PPM1G: variants seen among roughly 807,000 people sequenced by gnomAD.
PPM1G encodes the protein protein phosphatase, Mg2+/Mn2+ dependent 1G.
PPM1G carries 12 observed loss-of-function variants against 59.4 expected under a neutral mutation model. The observed-to-expected ratio is 0.20, with a 90% CI of 0.13 to 0.33. The LOEUF is 0.33. Among genes scored for constraint, PPM1G ranks in the 10% least tolerant of loss-of-function variants. The pLI is 1.00. For missense variants in PPM1G, 392 were observed against 681.3 expected (o/e 0.58, Z 4.73); for synonymous variants, 245 against 251.9 (o/e 0.97, Z 0.26).
At chr2:27,393,611 A>T (rs187694302) in intron 1 of PPM1G, among the ~76,000 whole-genome samples, 1,720 of 152,198 alleles carry the variant, frequency 0.011, 38 homozygotes, top group African/African-American at 0.039. Flanking sequence ...TCTGAGAAAG[A>T]GTCTCACTCT....
At chr2:27,387,928 A>C (rs908539925) in intron 1 of PPM1G, among the ~76,000 whole-genome samples, 5 of 151,800 alleles carry the variant, frequency 3.3e-5, no homozygotes, top group African/African-American at 1.2e-4. Flanking sequence ...CCTCCCAAGT[A>C]GCTGGGACTA....
At chr2:27,393,620 C>T (rs1447218570) in intron 1 of PPM1G, among the ~76,000 whole-genome samples, 1 of 152,192 alleles carries the variant, frequency 6.6e-6, no homozygotes, top group East Asian at 1.9e-4. Context: ...GAGTCTCACT[C>T]TGTCGCCAGG....
intron 1 of PPM1G, among the ~76,000 whole-genome samples, chr2:27,396,632 T>A (rs895425982): frequency 1.3e-5 from 2 of 151,802 alleles, no homozygotes; most frequent in Non-Finnish European, 2.9e-5. Context: ...CTGGTCAACA[T>A]GGAGAAACCC....
In PPM1G at chr2:27,385,794, G is replaced by A. The variant is rs1683748241; in HGVS notation, c.362C>T (p.Pro121Leu). Reference protein sequence around the residue: ...IKELAQIAGRPTEDEDEKEKV... With the variant: ...IKELAQIAGRLTEDEDEKEKV... ...TTCTTTTTCATCTTCATCCTCAGTG[G>A]GTCGCCCTGCAATCTGTGCCAGCTC... is the stretch of plus-strand genomic sequence containing the variant. The change falls in exon 4 of 10, where the codon CCC becomes CTC. Residue 121 changes from proline to leucine, a missense_variant. By Grantham distance (98) the Pro-to-Leu change is moderately conservative. Coordinates refer to ENST00000344034, the MANE Select transcript of PPM1G (RefSeq NM_177983.3). The surrounding 1 kb of genome is among the most constrained non-coding windows in gnomAD (Gnocchi z 4.1). 4 of 1,613,926 alleles carry A rather than the reference G, an allele frequency of 2.5e-6. No individual in the cohort carries two copies. Among genetic ancestry groups the A allele is most frequent in the Middle Eastern group, 1.6e-4 (1 of 6,062 alleles).
At chr2:27,392,205 C>T (rs980635345) in intron 1 of PPM1G, among the ~76,000 whole-genome samples, 2 of 151,902 alleles carry the variant, frequency 1.3e-5, no homozygotes, top group African/African-American at 4.8e-5. Flanking sequence ...TGGCTGTCTT[C>T]CACCATCCAT....
At chr2:27,406,215 C>T (rs779277545) in intron 1 of PPM1G, among the ~76,000 whole-genome samples, 2 of 152,064 alleles carry the variant, frequency 1.3e-5, no homozygotes, top group Non-Finnish European at 2.9e-5. Flanking sequence ...TAGGACCAAG[C>T]AAATAGGGTA....
chr2:27,405,932 G>A (rs1663352145), intron 1 of PPM1G, among the ~76,000 whole-genome samples: 4 of 152,166 alleles, frequency 2.6e-5, no homozygotes, highest in Admixed American at 2.0e-4. Flanking sequence ...GAACCCGGGA[G>A]GCGGAGGTTG....
rs79803862 is a variant in PPM1G, at chr2:27,399,271, T to A, written c.120+10032A>T. Among the ~76,000 whole-genome samples the A allele has an allele frequency of 4.2e-3, 639 of 152,190 alleles. 12 individuals carry two copies. The East Asian group carries it at 0.074, about 18-fold the overall frequency. Reference sequence around the variant, plus strand: ...CTTGTATCCAAAACACATAAAGAACTCTTACACATCAAAAGACAAAAAGAC... The same window carrying A: ...CTTGTATCCAAAACACATAAAGAACACTTACACATCAAAAGACAAAAAGAC... On this transcript the variant is annotated intron_variant, in intron 1 of 9. Transcript: ENST00000344034.
chr2:27,393,988 TC>T (rs1446559837), intron 1 of PPM1G, among the ~76,000 whole-genome samples: 1 of 152,050 alleles, frequency 6.6e-6, no homozygotes, highest in African/African-American at 2.4e-5. Context: ...GGTCTCAATC[TC>T]CTGACCTCGT....
rs1286589585 is a variant in PPM1G at position 27,384,899 on chromosome 2, G to A, written c.599C>T (p.Pro200Leu). ...GGCTGTGGGGCCATTTTCTTGTGAA[G>A]GAGTTTCCCTAGTTGAGTCCTCAGG... ...AGPEDSTRET[P>L]SQENGPTAKA... The change falls in exon 5 of 10, where the codon CCT becomes CTT. Residue 200 changes from proline (P) to leucine (L), a missense_variant. Transcript: ENST00000344034. The surrounding 1 kb of genome is among the most constrained non-coding windows in gnomAD (Gnocchi z 4.8). The A allele has an allele frequency of 6.2e-7, 1 of 1,614,218 alleles. No individual in the cohort carries two copies. Among genetic ancestry groups the A allele is most frequent in the East Asian group, 2.2e-5 (1 of 44,886 alleles).
intron 1 of PPM1G, among the ~76,000 whole-genome samples, chr2:27,398,037 C>A (rs1012190208): frequency 6.6e-6 from 1 of 152,076 alleles, no homozygotes; most frequent in Admixed American, 6.6e-5. Context: ...AACCCAGGTG[C>A]CTTTTGTGCA....
chr2:27,382,526 C>G lies in PPM1G; in HGVS notation c.1281G>C (p.Leu427=). 1 of 1,614,224 alleles carries G rather than the reference C, an allele frequency of 6.2e-7. No individual in the cohort carries two copies. The highest frequency in any genetic ancestry group is 8.5e-7 in the Non-Finnish European group (1 of 1,180,040). Reference sequence around the variant, plus strand: ...TGAATTCATGGTCGTCAGTGAGAGTCAGCACCTTGATGTCAGGAAGGGCTG... The same window carrying G: ...TGAATTCATGGTCGTCAGTGAGAGTGAGCACCTTGATGTCAGGAAGGGCTG... The part of the protein sequence containing the change: ...MISALPDIKV[L]TLTDDHEFMV... The change falls in exon 8 of 10, where the codon CTG becomes CTC. Residue 427 remains leucine, a synonymous_variant. Coordinates refer to ENST00000344034, the MANE Select transcript of PPM1G (RefSeq NM_177983.3). The surrounding 1 kb of genome is among the most constrained non-coding windows in gnomAD (Gnocchi z 4.2).
chr2:27,406,777 G>GA (rs1663380569), intron 1 of PPM1G, among the ~76,000 whole-genome samples: 1 of 151,722 alleles, frequency 6.6e-6, no homozygotes, highest in Non-Finnish European at 1.5e-5. Context: ...CCAAAGAAAT[G>GA]AAAAAACAAC....
intron 1 of PPM1G, among the ~76,000 whole-genome samples, chr2:27,397,654 A>G (rs1413008672): frequency 6.6e-6 from 1 of 152,172 alleles, no homozygotes; most frequent in Admixed American, 6.5e-5. Context: ...TTAATGATAA[A>G]AAGACTCAAT....
chr2:27,390,471 T>C (rs901816578), intron 1 of PPM1G, among the ~76,000 whole-genome samples: 4 of 152,032 alleles, frequency 2.6e-5, no homozygotes, highest in Non-Finnish European at 5.9e-5. Context: ...ATGCATGTAA[T>C]CTCAACATTT....
At chr2:27,390,728 G>A (rs1183935885) in intron 1 of PPM1G, among the ~76,000 whole-genome samples, 1 of 152,166 alleles carries the variant, frequency 6.6e-6, no homozygotes, top group Non-Finnish European at 1.5e-5. Flanking sequence ...GTGATGCTGA[G>A]GTTTGGGGTA....
intron 1 of PPM1G, among the ~76,000 whole-genome samples, chr2:27,394,741 T>TTA (rs1446885248): frequency 1.1e-4 from 12 of 107,918 alleles, no homozygotes; most frequent in African/African-American, 4.4e-4. Flanking sequence ...GACTCTGTCT[T>TTA]AAAAAAAAAA....
chr2:27,406,244 T>A (rs1024380580), intron 1 of PPM1G, among the ~76,000 whole-genome samples: 6 of 152,230 alleles, frequency 3.9e-5, no homozygotes, highest in African/African-American at 1.4e-4. Context: ...TTATTAATTT[T>A]TGGATTAAGC....
intron 1 of PPM1G, among the ~76,000 whole-genome samples, chr2:27,395,098 G>A (rs946457733): frequency 1.3e-5 from 2 of 150,370 alleles, no homozygotes; most frequent in South Asian, 2.1e-4. Flanking sequence ...GGGCGTGGTG[G>A]TGCATGCCTG....
Sources: allele counts gnomAD v4.1 joint callset (sites outside exome capture counted in the v4.1 genomes callset), GRCh38; gene constraint gnomAD v4.1.1; non-coding constraint Gnocchi (gnomAD v3.1); transcripts MANE v1.5; gene names NCBI Gene and HGNC (gene_info 2026-07-23, HGNC 2026-07-21).